Variants in KCNQ3 observed in about 807,000 individuals in gnomAD.
KCNQ3 encodes the protein potassium voltage-gated channel subfamily Q member 3.
A neutral mutation model predicts 92.5 loss-of-function variants in KCNQ3; 30 were observed. The ratio of observed to expected loss-of-function variants is 0.32; its 90% CI spans 0.24 to 0.44. The LOEUF is 0.44. Among genes scored for constraint, KCNQ3 ranks in the 20% least tolerant of loss-of-function variants. The pLI is 1.00. For missense variants in KCNQ3, 913 were observed against 1,140.3 expected, an observed-to-expected ratio of 0.80 and a Z score of 2.87; for synonymous variants, 450 against 468.8, an observed-to-expected ratio of 0.96 and a Z score of 0.52.
chr8:132,405,082 G>C (rs1586991236), intron 1 of KCNQ3, among the ~76,000 whole-genome samples: 1 of 152,164 alleles, frequency 6.6e-6, no homozygotes, highest in African/African-American at 2.4e-5. Context: ...GTGCAGGAAG[G>C]GGTGAAAGCA....
intron 1 of KCNQ3, among the ~76,000 whole-genome samples, chr8:132,426,425 C>T (rs1302624260): frequency 6.6e-6 from 1 of 152,212 alleles, no homozygotes; most frequent in African/African-American, 2.4e-5. Flanking sequence ...GGGGCACCCC[C>T]GCCAGTAAGC....
intron 1 of KCNQ3, among the ~76,000 whole-genome samples, chr8:132,378,121 T>C (rs551582981): frequency 4.6e-5 from 7 of 152,268 alleles, no homozygotes; most frequent in African/African-American, 1.7e-4. Context: ...TGGCCGGGCA[T>C]GGTGGCTCAC....
intron 1 of KCNQ3, among the ~76,000 whole-genome samples, chr8:132,231,974 T>C (rs1450900581): frequency 6.6e-6 from 1 of 152,186 alleles, no homozygotes; most frequent in Admixed American, 6.5e-5. Flanking sequence ...TTCTGTTCCT[T>C]ATACCTCCCT....
At chr8:132,301,196 T>C (rs938094622) in intron 1 of KCNQ3, among the ~76,000 whole-genome samples, 1 of 152,194 alleles carries the variant, frequency 6.6e-6, no homozygotes, top group African/African-American at 2.4e-5. Flanking sequence ...GCTCTATTTC[T>C]GATGCATAAA....
At chr8:132,274,961 A>C (rs1816277547) in intron 1 of KCNQ3, among the ~76,000 whole-genome samples, 1 of 152,098 alleles carries the variant, frequency 6.6e-6, no homozygotes, top group South Asian at 2.1e-4. Flanking sequence ...GAAGGGGGAG[A>C]GGGAAGAGCA....
chr8:132,358,637 C>T (rs1488585064), intron 1 of KCNQ3, among the ~76,000 whole-genome samples: 1 of 152,028 alleles, frequency 6.6e-6, no homozygotes, highest in African/African-American at 2.4e-5. Flanking sequence ...AGCTTGCCAC[C>T]ATGACTGGGG....
chr8:132,200,417 G>A (rs1046045373), intron 1 of KCNQ3, among the ~76,000 whole-genome samples: 2 of 151,164 alleles, frequency 1.3e-5, no homozygotes, highest in African/African-American at 4.9e-5. Context: ...ACTACCTTGA[G>A]CATTAAGAAC....
chr8:132,301,510 G>T (rs1276452164), intron 1 of KCNQ3, among the ~76,000 whole-genome samples: 2 of 152,096 alleles, frequency 1.3e-5, no homozygotes, highest in African/African-American at 4.8e-5. Context: ...AATAATAACA[G>T]GTCCATAATT....
At chr8:132,429,783 C>G (rs1291612664) in intron 1 of KCNQ3, among the ~76,000 whole-genome samples, 1 of 150,952 alleles carries the variant, frequency 6.6e-6, no homozygotes, top group Non-Finnish European at 1.5e-5. Flanking sequence ...ATCCCTTGAA[C>G]CCAGGAGGCG....
In KCNQ3 at chr8:132,352,370, T is replaced by A. The variant is rs183612327; in HGVS notation, c.386+127777A>T. ...GCTGCGATCGTCTAGTGTGCAAGGATGCTGCTAAACATTCTACAATGCACA... is the reference window on the plus strand; with the variant it reads ...GCTGCGATCGTCTAGTGTGCAAGGAAGCTGCTAAACATTCTACAATGCACA... On this transcript the variant is annotated intron_variant, in intron 1 of 14. Coordinates refer to ENST00000388996, the MANE Select transcript of KCNQ3 (RefSeq NM_004519.4). Among the ~76,000 whole-genome samples the A allele has an allele frequency of 8.9e-4, 135 of 152,236 alleles. 2 individuals are homozygous for A. The East Asian group carries it at 0.026, about 29-fold the overall frequency.
chr8:132,247,755 G>A (rs193031644), intron 1 of KCNQ3, among the ~76,000 whole-genome samples: 7 of 150,826 alleles, frequency 4.6e-5, no homozygotes, highest in Admixed American at 6.6e-5. Flanking sequence ...CCAAGATTGC[G>A]CCACTGCACT....
chr8:132,478,387 C>T (rs1039424407), intron 1 of KCNQ3, among the ~76,000 whole-genome samples: 7 of 152,122 alleles, frequency 4.6e-5, no homozygotes, highest in African/African-American at 7.2e-5. Flanking sequence ...GTACTGAACG[C>T]GATGTGCATG....
intron 1 of KCNQ3, among the ~76,000 whole-genome samples, chr8:132,438,142 T>C (rs1271808653): frequency 2.0e-5 from 3 of 152,218 alleles, no homozygotes; most frequent in African/African-American, 4.8e-5. Context: ...TTATGAGAAA[T>C]ACATTTAGGA....
intron 1 of KCNQ3, among the ~76,000 whole-genome samples, chr8:132,443,862 C>T (rs1164738284): frequency 6.6e-6 from 1 of 152,120 alleles, no homozygotes; most frequent in Non-Finnish European, 1.5e-5. Context: ...TTTACCCCCC[C>T]ATTTGTCTTA....
rs1035392575 is a variant in KCNQ3, at chr8:132,277,990, G to C, written c.387-91809C>G. The C allele has an allele frequency of 3.0e-6, 3 of 985,234 alleles. No individual in the cohort carries two copies. In the African/African-American group the frequency reaches 5.2e-5, roughly 17 times the overall value. The allele number at this position is 985,234 out of a possible 1,614,324, so 61.0% of individuals were successfully genotyped here. A position where few individuals can be genotyped will look rare whatever the true frequency, so the allele number is the denominator to read the frequency against. On this transcript the variant is annotated intron_variant, in intron 1 of 14. Transcript: ENST00000388996. ...TCACCTTCACCCCCACAGGACAGAA[G>C]GGATCATCCTTCTGTGATAGGCAGG...
rs1400026211 is a variant in KCNQ3, at chr8:132,246,176, T to C, written c.387-59995A>G. On this transcript the variant is annotated intron_variant, in intron 1 of 14. Coordinates refer to ENST00000388996, the MANE Select transcript of KCNQ3 (RefSeq NM_004519.4). ...CTGCTTACAGAAAACAGACTGCCTG[T>C]CCCATTTACCTATTCTTGTGCAAGT... 2.6e-5 allele frequency among the ~76,000 whole-genome samples: 4 copies of C among 152,178 alleles called. No homozygotes were observed. The East Asian group carries it at 7.7e-4, about 29-fold the overall frequency.
intron 1 of KCNQ3, among the ~76,000 whole-genome samples, chr8:132,199,882 C>A (rs1342945610): frequency 6.7e-6 from 1 of 149,894 alleles, no homozygotes; most frequent in Non-Finnish European, 1.5e-5. Context: ...TGCACTCCAG[C>A]CTGGGTGACA....
intron 1 of KCNQ3, among the ~76,000 whole-genome samples, chr8:132,235,332 G>C (rs567839926): frequency 6.6e-6 from 1 of 152,134 alleles, no homozygotes; most frequent in African/African-American, 2.4e-5. Context: ...GTGAAACCCC[G>C]TCTCTACTAA....
At chr8:132,209,213 T>C (rs1433135896) in intron 1 of KCNQ3, among the ~76,000 whole-genome samples, 1 of 152,128 alleles carries the variant, frequency 6.6e-6, no homozygotes, top group Non-Finnish European at 1.5e-5. Flanking sequence ...TCCCATTCAC[T>C]AGCCTCTGCC....
Sources: allele counts gnomAD v4.1 joint callset (sites outside exome capture counted in the v4.1 genomes callset), GRCh38; gene constraint gnomAD v4.1.1; transcripts MANE v1.5; gene names NCBI Gene and HGNC (gene_info 2026-07-23, HGNC 2026-07-21).